Variants in PPARD observed in about 807,000 individuals in gnomAD.
PPARD encodes peroxisome proliferator-activated receptor delta.
A neutral mutation model predicts 39.5 loss-of-function variants in PPARD; 6 were observed. The observed-to-expected ratio is 0.15, with a 90% CI of 0.08 to 0.30. The LOEUF (loss-of-function observed/expected upper bound fraction) is 0.30, where lower values mean the gene tolerates loss of function less well. PPARD is among the 10% of genes least tolerant of loss of function. PPARD has a pLI of 1.00. For synonymous variants in PPARD, 210 were observed against 231.3 expected (o/e 0.91, Z 0.83); for missense variants, 397 against 596.8 (o/e 0.67, Z 3.49).
chr6:35,408,230 G>T (rs1267343878), intron 2 of PPARD, among the ~76,000 whole-genome samples: 1 of 152,190 alleles, frequency 6.6e-6, no homozygotes, highest in Non-Finnish European at 1.5e-5. Context: ...GGAAATAATA[G>T]CTTTTTCGGA....
chr6:35,408,964 G>A (rs1016065469), intron 2 of PPARD, among the ~76,000 whole-genome samples: 1 of 151,882 alleles, frequency 6.6e-6, no homozygotes, highest in African/African-American at 2.4e-5. Flanking sequence ...CGGGGATCTG[G>A]TCCAGGATCC....
At chr6:35,352,225 C>T (rs1761301869) in intron 2 of PPARD, among the ~76,000 whole-genome samples, 1 of 151,838 alleles carries the variant, frequency 6.6e-6, no homozygotes, top group South Asian at 2.1e-4. Flanking sequence ...ACTCTGTCAC[C>T]CAGGCTAGAG....
At chr6:35,380,457 G>GTGTTTTTTTTT (rs1562190125) in intron 2 of PPARD, among the ~76,000 whole-genome samples, 5 of 28,884 alleles carry the variant, frequency 1.7e-4, no homozygotes, top group African/African-American at 6.1e-4. Flanking sequence ...AATTAACCTC[G>GTGTTTTTTTTT]TGTTTTTTTT....
intron 2 of PPARD, among the ~76,000 whole-genome samples, chr6:35,347,817 C>T (rs1026117412): frequency 1.8e-4 from 27 of 151,862 alleles, no homozygotes; most frequent in African/African-American, 6.3e-4. Flanking sequence ...CCATGTTGGC[C>T]AGGCTGGTCT....
At chr6:35,367,498 G>A (rs1762269668) in intron 2 of PPARD, among the ~76,000 whole-genome samples, 1 of 152,138 alleles carries the variant, frequency 6.6e-6, no homozygotes, top group Non-Finnish European at 1.5e-5. Context: ...TGATTGATGA[G>A]GAAACTAAGG....
chr6:35,342,658 T>TGGC lies in PPARD; in HGVS notation c.-207_-205dup, dbSNP rs1234491051. 6.5e-6 allele frequency: 1 copy of TGGC among 152,726 alleles called. No homozygotes were observed. The highest frequency in any genetic ancestry group is 2.4e-5 in the African/African-American group (1 of 41,432). The allele number at this position is 152,726 out of a possible 1,614,324, so 9.5% of individuals were successfully genotyped here. ...TGCGGAGCCTGCGGGACGGCGGCGG[T>TGGC]GGCGCCGTAGGCAGCCGGGACAGGT... On this transcript the variant is annotated 5_prime_UTR_variant, in exon 1 of 8. Transcript: ENST00000360694.
chr6:35,410,038 CAG>C (rs1765326722), intron 2 of PPARD, among the ~76,000 whole-genome samples: 1 of 152,170 alleles, frequency 6.6e-6, no homozygotes, highest in Non-Finnish European at 1.5e-5. Context: ...AGTGGGTAGA[CAG>C]GCAGGTGGGT....
intron 2 of PPARD, among the ~76,000 whole-genome samples, chr6:35,357,473 C>T (rs1761681729): frequency 1.3e-5 from 2 of 152,174 alleles, no homozygotes; most frequent in African/African-American, 4.8e-5. Context: ...ACTGCCCTTC[C>T]CTTTCAAGGA....
chr6:35,397,318 G>C (rs1764395447), intron 2 of PPARD, among the ~76,000 whole-genome samples: 1 of 151,948 alleles, frequency 6.6e-6, no homozygotes, highest in Non-Finnish European at 1.5e-5. Flanking sequence ...GCCTCCCCAT[G>C]GGAAAAATGA....
intron 4 of PPARD, 92 bp from the exon 5 acceptor site, chr6:35,421,728 G>A: frequency 2.3e-6 from 3 of 1,327,168 alleles, no homozygotes; most frequent in Non-Finnish European, 3.0e-6. Context: ...CAAATGTCAG[G>A]AGTGTTTACA....
chr6:35,385,635 A>C (rs1361832322), intron 2 of PPARD, among the ~76,000 whole-genome samples: 1 of 113,808 alleles, frequency 8.8e-6, no homozygotes, highest in African/African-American at 3.8e-5. Flanking sequence ...TCAATAAAAA[A>C]TAAATAAATT....
At chr6:35,375,689 A>G (rs1247007380) in intron 2 of PPARD, among the ~76,000 whole-genome samples, 31 of 152,180 alleles carry the variant, frequency 2.0e-4, no homozygotes, top group Admixed American at 2.0e-3. Flanking sequence ...AGCTGAGATT[A>G]TAGGTGCACA....
intron 2 of PPARD, chr6:35,348,560 ATTTGT>A (rs1761028182): frequency 1.0e-6 from 1 of 985,198 alleles, no homozygotes; most frequent in Admixed American, 6.2e-5. Flanking sequence ...CTCCTGCCTG[ATTTGT>A]TTTAATCTCT....
chr6:35,398,428 G>T (rs1485980583), intron 2 of PPARD, among the ~76,000 whole-genome samples: 1 of 152,180 alleles, frequency 6.6e-6, no homozygotes, highest in Non-Finnish European at 1.5e-5. Flanking sequence ...GAGACCATGG[G>T]GGGAAGGTAA....
chr6:35,406,000 C>T (rs983205690), intron 2 of PPARD, among the ~76,000 whole-genome samples: 1 of 152,028 alleles, frequency 6.6e-6, no homozygotes, highest in African/African-American at 2.4e-5. Flanking sequence ...GATCTTGGCT[C>T]ACTGAAACCT....
rs1766471155 is a variant in PPARD, at chr6:35,424,921, T to G, written c.1078+142T>G. On this transcript the variant is annotated intron_variant, in intron 7 of 7. Coordinates refer to ENST00000360694, the MANE Select transcript of PPARD (RefSeq NM_006238.5). The surrounding 1 kb of genome is among the most constrained non-coding windows in gnomAD (Gnocchi z 7.1). ...CTTGGCAGTGGAACATGCAAGGCACTGACTGAGCATGCAGGATCAGCTCCA... is the reference window on the plus strand; with the variant it reads ...CTTGGCAGTGGAACATGCAAGGCACGGACTGAGCATGCAGGATCAGCTCCA... 6.9e-7 allele frequency: 1 copy of G among 1,448,940 alleles called. No homozygotes were observed. The highest frequency in any genetic ancestry group is 2.7e-5 in the Admixed American group (1 of 37,732). The allele number at this position is 1,448,940 out of a possible 1,614,324, so 89.8% of individuals were successfully genotyped here.
intron 2 of PPARD, chr6:35,397,645 A>G (rs1185770180): frequency 2.7e-6 from 2 of 727,686 alleles, no homozygotes; most frequent in East Asian, 1.3e-4. Context: ...CTCCTCTGAT[A>G]CTTGAGGGTT....
intron 2 of PPARD, among the ~76,000 whole-genome samples, chr6:35,403,408 G>A (rs1764826314): frequency 6.6e-6 from 1 of 152,198 alleles, no homozygotes; most frequent in Non-Finnish European, 1.5e-5. Context: ...GAGCCAGGGT[G>A]TGAACCCAGG....
intron 2 of PPARD, among the ~76,000 whole-genome samples, chr6:35,353,748 AAGG>A (rs1761397265): frequency 6.6e-6 from 1 of 152,116 alleles, no homozygotes; most frequent in East Asian, 1.9e-4. Context: ...AAAGAATTTG[AAGG>A]AGGTCAGATT....
Sources: allele counts gnomAD v4.1 joint callset (sites outside exome capture counted in the v4.1 genomes callset), GRCh38; gene constraint gnomAD v4.1.1; non-coding constraint Gnocchi (gnomAD v3.1); transcripts MANE v1.5; gene names NCBI Gene and HGNC (gene_info 2026-07-23, HGNC 2026-07-21).